CDS1: variants seen among roughly 807,000 people sequenced by gnomAD.
The protein encoded by CDS1 is phosphatidate cytidylyltransferase 1.
Under a neutral mutation model 62.1 loss-of-function variants are expected in CDS1, and 41 were observed. That is an observed-to-expected ratio of 0.66 (90% CI 0.51 to 0.86). The LOEUF (loss-of-function observed/expected upper bound fraction) is 0.86, where lower values mean the gene tolerates loss of function less well. Ranked by LOEUF, CDS1 falls within the 40% of genes least tolerant of loss-of-function variation. The pLI, the probability that CDS1 is intolerant of heterozygous loss-of-function variation, is 0.00. For missense variants in CDS1, 470 were observed against 550.1 expected, an observed-to-expected ratio of 0.85 and a Z score of 1.46; for synonymous variants, 185 against 192.6, an observed-to-expected ratio of 0.96 and a Z score of 0.32.
At chr4:84,631,263 C>T (rs1170805263) in intron 5 of CDS1, among the ~76,000 whole-genome samples, 1 of 152,040 alleles carries the variant, frequency 6.6e-6, no homozygotes, top group African/African-American at 2.4e-5. Context: ...GCCCTTTGTG[C>T]ATTTTTCCTC....
intron 1 of CDS1, among the ~76,000 whole-genome samples, chr4:84,594,801 C>G (rs1346882986): frequency 6.6e-6 from 1 of 152,154 alleles, no homozygotes; most frequent in African/African-American, 2.4e-5. Flanking sequence ...ACTGCAGGCT[C>G]AACTTCCCAA....
rs1198759957 is a variant in CDS1 at position 84,594,541 on chromosome 4, G to A, written c.118-9702G>A. Among the ~76,000 whole-genome samples the A allele has an allele frequency of 2.6e-5, 4 of 151,982 alleles. No homozygotes were observed. In the East Asian group the frequency reaches 5.8e-4, roughly 22 times the overall value. ...TATAATCTTGAAATATACCAAAGAA[G>A]TATATTTTGGGGTGGCATATTCTAG... is the stretch of plus-strand genomic sequence containing the variant. On this transcript the variant is annotated intron_variant, in intron 1 of 12. Coordinates refer to ENST00000295887, the MANE Select transcript of CDS1 (RefSeq NM_001263.4).
At chr4:84,599,723 C>G (rs568012483) in intron 1 of CDS1, among the ~76,000 whole-genome samples, 4 of 152,094 alleles carry the variant, frequency 2.6e-5, no homozygotes, top group African/African-American at 9.6e-5. Context: ...CAATTGTTCA[C>G]TTATTTTTAT....
intron 5 of CDS1, among the ~76,000 whole-genome samples, chr4:84,630,208 G>A (rs772328811): frequency 5.3e-5 from 8 of 152,154 alleles, no homozygotes; most frequent in Non-Finnish European, 1.0e-4. Context: ...CATACAATTG[G>A]TAATTTTGAT....
chr4:84,624,893 C>T (rs1723808905), intron 5 of CDS1, among the ~76,000 whole-genome samples: 1 of 151,808 alleles, frequency 6.6e-6, no homozygotes, highest in African/African-American at 2.4e-5. Flanking sequence ...CACAGTCTCA[C>T]TCCATTGCCC....
intron 1 of CDS1, among the ~76,000 whole-genome samples, chr4:84,594,027 A>G (rs1722673694): frequency 6.6e-6 from 1 of 151,958 alleles, no homozygotes; most frequent in African/African-American, 2.4e-5. Context: ...GGCCTGATAA[A>G]TTTTACATAC....
chr4:84,588,823 G>C (rs1025867292), intron 1 of CDS1, among the ~76,000 whole-genome samples: 1 of 152,206 alleles, frequency 6.6e-6, no homozygotes, highest in African/African-American at 2.4e-5. Context: ...CAAATCTTGT[G>C]ATCTCCAGAC....
At chr4:84,587,395 G>A (rs1278665049) in intron 1 of CDS1, among the ~76,000 whole-genome samples, 1 of 152,128 alleles carries the variant, frequency 6.6e-6, no homozygotes, top group African/African-American at 2.4e-5. Context: ...GTCACGTTCA[G>A]TGTTGTGTGA....
At chr4:84,607,070 A>C (rs1056975310) in intron 2 of CDS1, among the ~76,000 whole-genome samples, 4 of 152,208 alleles carry the variant, frequency 2.6e-5, no homozygotes, top group Non-Finnish European at 5.9e-5. Flanking sequence ...TTATGTCTAC[A>C]TAGTTTGTTA....
intron 8 of CDS1, among the ~76,000 whole-genome samples, chr4:84,638,130 T>A (rs774021105): frequency 6.6e-6 from 1 of 152,214 alleles, no homozygotes; most frequent in African/African-American, 2.4e-5. Context: ...TCACAGTCTT[T>A]ATCTCCCCTG....
chr4:84,635,431 G>C lies in CDS1; in HGVS notation c.810+80G>C, dbSNP rs1218579050. On this transcript the variant is annotated intron_variant, in intron 8 of 12. Coordinates refer to ENST00000295887, the MANE Select transcript of CDS1 (RefSeq NM_001263.4). ...GGAGAACATTTCCAACAACTGTGCT[G>C]TTGTGCATTTTTTATTTTTGAGGTG... 1.5e-5 allele frequency: 12 copies of C among 775,796 alleles called. No homozygotes were observed. The South Asian group carries it at 1.8e-4, about 11-fold the overall frequency. The allele number at this position is 775,796 out of a possible 1,614,324, so 48.1% of individuals were successfully genotyped here.
intron 5 of CDS1, among the ~76,000 whole-genome samples, chr4:84,621,674 G>A (rs894100209): frequency 2.6e-5 from 4 of 152,078 alleles, no homozygotes; most frequent in Admixed American, 1.3e-4. Context: ...GGATCCTTCC[G>A]CCTTGGCCTC....
intron 3 of CDS1, among the ~76,000 whole-genome samples, chr4:84,611,628 CCT>C (rs1462297771): frequency 2.0e-5 from 3 of 152,258 alleles, no homozygotes; most frequent in African/African-American, 7.2e-5. Context: ...CTCTTTTTGT[CCT>C]CTCATTAATT....
intron 5 of CDS1, among the ~76,000 whole-genome samples, chr4:84,630,648 A>G (rs373399786): frequency 6.6e-6 from 1 of 152,128 alleles, no homozygotes; most frequent in African/African-American, 2.4e-5. Flanking sequence ...CTCTTTAAAG[A>G]TACTGCAGAG....
intron 3 of CDS1, among the ~76,000 whole-genome samples, chr4:84,612,585 C>T (rs1723358152): frequency 6.6e-6 from 1 of 152,012 alleles, no homozygotes; most frequent in African/African-American, 2.4e-5. Flanking sequence ...ATAAGTGTGC[C>T]TACGGTACTT....
intron 1 of CDS1, among the ~76,000 whole-genome samples, chr4:84,599,395 CACACACACACATAT>C (rs1187833877): frequency 4.4e-4 from 54 of 121,646 alleles, no homozygotes; most frequent in African/African-American, 1.7e-3. Context: ...CAAATTTTGA[CACACACACACATAT>C]ATATATATAT....
intron 11 of CDS1, among the ~76,000 whole-genome samples, chr4:84,644,838 C>A (rs572380954): frequency 1.3e-5 from 2 of 152,102 alleles, no homozygotes; most frequent in Non-Finnish European, 2.9e-5. Flanking sequence ...AGTTGTACAT[C>A]TTTTAGCAGC....
Position 84,643,063 on chromosome 4 carries a change from G to C in CDS1, c.1072G>C (p.Ala358Pro), listed in dbSNP as rs756965648. Residue 358 changes from alanine (A) to proline (P), a missense_variant, in exon 11 of 13, where the codon GCA (alanine) becomes CCA (proline). By Grantham distance (27) the Ala-to-Pro change is conservative. This residue lies in a region of CDS1 where 214 missense variants were observed against 242.4 expected (regional missense o/e 0.88). Coordinates refer to ENST00000295887, the MANE Select transcript of CDS1 (RefSeq NM_001263.4). ...SLYPFQIHSI[A>P]LSTFASLIGP... ...GTACCCTTTCCAGATCCACAGCATT[G>C]CACTGTCAACCTTTGCATCTTTAAT... is the stretch of plus-strand genomic sequence containing the variant. 6.2e-7 allele frequency: 1 copy of C among 1,612,770 alleles called. No homozygotes were observed.
intron 1 of CDS1, among the ~76,000 whole-genome samples, chr4:84,603,316 C>G (rs926743824): frequency 3.9e-5 from 6 of 152,266 alleles, no homozygotes; most frequent in East Asian, 1.9e-4. Flanking sequence ...TCTCTTTCCT[C>G]TATCCCAGTT....
Sources: allele counts gnomAD v4.1 joint callset (sites outside exome capture counted in the v4.1 genomes callset), GRCh38; gene constraint gnomAD v4.1.1; regional missense constraint gnomAD v4.1.1; transcripts MANE v1.5; gene names NCBI Gene and HGNC (gene_info 2026-07-23, HGNC 2026-07-21).